CFAP52: variants seen among roughly 807,000 people sequenced by gnomAD.
CFAP52 encodes cilia- and flagella-associated protein 52.
In CFAP52, 57 loss-of-function variants were observed where a neutral mutation model predicts 70.5. The ratio of observed to expected loss-of-function variants is 0.81; its 90% CI spans 0.65 to 1.01. The LOEUF is 1.01. Among genes scored for constraint, CFAP52 ranks in the 50% least tolerant of loss-of-function variants. The pLI is 0.00. For missense variants in CFAP52, 785 were observed against 788.5 expected, an observed-to-expected ratio of 1.00 and a Z score of 0.05; for synonymous variants, 267 against 292.5, an observed-to-expected ratio of 0.91 and a Z score of 0.89.
chr17:9,587,444 C>A (rs991729848), intron 3 of CFAP52, among the ~76,000 whole-genome samples: 1 of 152,160 alleles, frequency 6.6e-6, no homozygotes, highest in Non-Finnish European at 1.5e-5. Context: ...GGAATCACCA[C>A]CCTGCTTTCC....
intron 7 of CFAP52, chr17:9,610,256 AT>A (rs1909662472): frequency 1.3e-5 from 2 of 152,212 alleles, no homozygotes; most frequent in South Asian, 4.1e-4. Flanking sequence ...AATATAGTAA[AT>A]TAACCTTCTA....
At chr17:9,629,960 C>T (rs1288628382) in intron 9 of CFAP52, among the ~76,000 whole-genome samples, 1 of 151,958 alleles carries the variant, frequency 6.6e-6, no homozygotes, top group African/African-American at 2.4e-5. Context: ...CGCATGTCTT[C>T]TCCACATAGG....
Position 9,586,711 on chromosome 17 carries a change from T to G in CFAP52, c.284T>G (p.Leu95Trp). Residue 95 changes from leucine to tryptophan, a missense_variant, in exon 3 of 14, where the codon TTG (leucine) becomes TGG (tryptophan). Leu to Trp is a moderately conservative substitution (Grantham distance 61). Transcript: ENST00000352665. Reference sequence around the variant, plus strand: ...TCTTGCCCCCAGGCAGACATCATTTTGTGGGATTATAAGAACAGAGAGCTG... The same window carrying G: ...TCTTGCCCCCAGGCAGACATCATTTGGTGGGATTATAAGAACAGAGAGCTG... ...TFMGFKADII[L>W]WDYKNRELLA... is the part of the protein sequence containing the mutation. 6.2e-7 allele frequency: 1 copy of G among 1,611,730 alleles called. No homozygotes were observed. Among genetic ancestry groups the G allele is most frequent in the Non-Finnish European group, 8.5e-7 (1 of 1,179,366 alleles).
At chr17:9,631,024 A>AG (rs1567634806) in intron 9 of CFAP52, among the ~76,000 whole-genome samples, 6 of 30,030 alleles carry the variant, frequency 2.0e-4, no homozygotes, top group African/African-American at 9.0e-4. Flanking sequence ...GAAAGAAAGA[A>AG]AGAAAGAGAG....
At chr17:9,608,618 AT>A (rs1342257242) in intron 7 of CFAP52, among the ~76,000 whole-genome samples, 3 of 152,216 alleles carry the variant, frequency 2.0e-5, no homozygotes, top group African/African-American at 7.2e-5. Context: ...TGTGCAAAGC[AT>A]TGTGTTAATC....
intron 8 of CFAP52, among the ~76,000 whole-genome samples, chr17:9,627,962 C>G (rs1304875035): frequency 6.6e-6 from 1 of 152,092 alleles, no homozygotes. Flanking sequence ...CTCCTGGCCT[C>G]AAGTCATGGG....
chr17:9,589,102 AAAAT>A (rs1187620492), intron 3 of CFAP52, among the ~76,000 whole-genome samples: 1 of 152,198 alleles, frequency 6.6e-6, no homozygotes, highest in Non-Finnish European at 1.5e-5. Flanking sequence ...ACTCCAGCTG[AAAAT>A]AAATAAATAA....
chr17:9,626,876 G>C (rs1910255817), intron 8 of CFAP52, among the ~76,000 whole-genome samples: 1 of 152,048 alleles, frequency 6.6e-6, no homozygotes, highest in Non-Finnish European at 1.5e-5. Context: ...AAGTGAGTAG[G>C]TCTTAAGAGA....
chr17:9,616,592 T>A (rs1194491980), intron 8 of CFAP52, among the ~76,000 whole-genome samples: 1 of 149,436 alleles, frequency 6.7e-6, no homozygotes, highest in Non-Finnish European at 1.5e-5. Flanking sequence ...CAGACTTACG[T>A]GTCCCTGTCT....
intron 1 of CFAP52, among the ~76,000 whole-genome samples, chr17:9,577,114 C>T (rs1176506715): frequency 2.0e-5 from 3 of 152,202 alleles, no homozygotes; most frequent in Non-Finnish European, 4.4e-5. Flanking sequence ...AACCCCACGC[C>T]GCTCGCAAAG....
chr17:9,638,692 C>T lies in CFAP52; in HGVS notation c.1556C>T (p.Thr519Ile). 2 of 1,614,152 alleles carry T rather than the reference C, an allele frequency of 1.2e-6. No individual in the cohort carries two copies. Among genetic ancestry groups the T allele is most frequent in the South Asian group, 1.1e-5 (1 of 91,068 alleles). ...CACCCTGAGGAGTTCCAGATCATCA[C>T]CAGCGGAACAGACAGAAAGGTGAGT... ...CYHPEEFQII[T>I]SGTDRKIAYW... Residue 519 changes from threonine (T) to isoleucine (I), a missense_variant, in exon 12 of 14, where the codon ACC becomes ATC. Transcript: ENST00000352665.
chr17:9,581,974 T>C lies in CFAP52; in HGVS notation c.71-3799T>C, dbSNP rs560822901. On this transcript the variant is annotated intron_variant, in intron 1 of 13. Transcript: ENST00000352665. ...ATTAGTTCTGCCCATTTTTCAAGTG[T>C]GACCCAAACTTCCTGCCAGTTGTGT... Among the ~76,000 whole-genome samples the C allele has an allele frequency of 8.4e-4, 128 of 152,226 alleles. 1 individual carries two copies. Among genetic ancestry groups the C allele is most frequent in the Non-Finnish European group, 7.2e-4 (49 of 68,034 alleles).
At chr17:9,591,999 C>T (rs1908783758) in intron 3 of CFAP52, among the ~76,000 whole-genome samples, 1 of 152,162 alleles carries the variant, frequency 6.6e-6, no homozygotes, top group Non-Finnish European at 1.5e-5. Context: ...ATCCCCCTCA[C>T]CTTGAAGATT....
chr17:9,592,733 C>G (rs1188654441), intron 3 of CFAP52, among the ~76,000 whole-genome samples: 1 of 152,126 alleles, frequency 6.6e-6, no homozygotes, highest in African/African-American at 2.4e-5. Context: ...ATTGTGTAGA[C>G]AGCCTACTTT....
chr17:9,579,729 G>A (rs373880904), intron 1 of CFAP52, among the ~76,000 whole-genome samples: 8 of 152,102 alleles, frequency 5.3e-5, no homozygotes, highest in East Asian at 1.9e-4. Context: ...CACCACGCCT[G>A]GCTAATTTTT....
At chr17:9,586,149 A>T (rs759017509) in intron 2 of CFAP52, among the ~76,000 whole-genome samples, 177 bp downstream of exon 2, 1 of 152,078 alleles carries the variant, frequency 6.6e-6, no homozygotes, top group Non-Finnish European at 1.5e-5. Flanking sequence ...AAGGACTCTG[A>T]TGATTTTATA....
At chr17:9,581,744 G>C (rs1908236852) in intron 1 of CFAP52, among the ~76,000 whole-genome samples, 1 of 152,156 alleles carries the variant, frequency 6.6e-6, no homozygotes, top group Non-Finnish European at 1.5e-5. Context: ...TGGTTCTATT[G>C]CTTTAGTGAG....
intron 3 of CFAP52, chr17:9,590,464 G>C (rs369683878): frequency 5.2e-6 from 1 of 193,164 alleles, no homozygotes; most frequent in African/African-American, 2.3e-5. Context: ...AGCCCCTTCT[G>C]AAGCCCAAAC....
chr17:9,593,982 A>G (rs550116476), intron 3 of CFAP52, among the ~76,000 whole-genome samples: 1 of 152,180 alleles, frequency 6.6e-6, no homozygotes, highest in African/African-American at 2.4e-5. Context: ...AAACAATAAC[A>G]ACAACAACAA....
Sources: allele counts gnomAD v4.1 joint callset (sites outside exome capture counted in the v4.1 genomes callset), GRCh38; gene constraint gnomAD v4.1.1; transcripts MANE v1.5; gene names NCBI Gene and HGNC (gene_info 2026-07-23, HGNC 2026-07-21).